Variants in HSF1 observed in about 807,000 individuals in gnomAD.
HSF1 encodes heat shock factor protein 1.
Under a neutral mutation model 51.7 loss-of-function variants are expected in HSF1, and 32 were observed. That is an observed-to-expected ratio of 0.62 (90% CI 0.47 to 0.83). The LOEUF (loss-of-function observed/expected upper bound fraction) is 0.83. HSF1 is among the 40% of genes least tolerant of loss of function. The pLI, the probability that HSF1 is intolerant of heterozygous loss-of-function variation, is 0.00. For synonymous variants in HSF1, 396 were observed against 309.7 expected (o/e 1.28, Z -2.92); for missense variants, 727 against 717.0 (o/e 1.01, Z -0.16).
intron 9 of HSF1, 134 bp from the exon 10 acceptor site, chr8:144,313,377 C>G (rs909676781): frequency 1.6e-6 from 1 of 628,416 alleles, no homozygotes; most frequent in Non-Finnish European, 2.9e-6. Flanking sequence ...AATGCGCTGC[C>G]CCCTCCAGCC....
rs556261852 is a variant in HSF1, at chr8:144,300,362, A to G, written c.117+8488A>G. Among the ~76,000 whole-genome samples the G allele has an allele frequency of 1.2e-4, 18 of 152,016 alleles. No individual in the cohort carries two copies. In the East Asian group the frequency reaches 2.5e-3, roughly 21 times the overall value. ...CTCCCACGAAGCTGGGACTACAGGCACCCGCCACCTCGCCCGGCTAATTTT... is the reference window on the plus strand; with the variant it reads ...CTCCCACGAAGCTGGGACTACAGGCGCCCGCCACCTCGCCCGGCTAATTTT... On this transcript the variant is annotated intron_variant, in intron 1 of 12. Transcript: ENST00000528838.
intron 4 of HSF1, chr8:144,310,911 G>A (rs924588155): frequency 5.8e-5 from 31 of 533,992 alleles, no homozygotes; most frequent in Admixed American, 4.9e-4. Context: ...GCCAGGATCC[G>A]GGTGCACCTG....
At chr8:144,295,896 G>A (rs377667222) in intron 1 of HSF1, among the ~76,000 whole-genome samples, 2 of 152,224 alleles carry the variant, frequency 1.3e-5, no homozygotes, top group African/African-American at 2.4e-5. Flanking sequence ...ACCTGCATTC[G>A]GATGGCGCTG....
intron 11 of HSF1, 29 bp from the exon 12 acceptor site, chr8:144,313,956 G>A (rs1554845917): frequency 1.2e-6 from 2 of 1,610,894 alleles, no homozygotes; most frequent in Admixed American, 3.3e-5. Flanking sequence ...ACCAGCGGGA[G>A]TGCTCACAAT....
chr8:144,292,314 A>G (rs1392932091), intron 1 of HSF1, among the ~76,000 whole-genome samples: 1 of 152,238 alleles, frequency 6.6e-6, no homozygotes, highest in Non-Finnish European at 1.5e-5. Flanking sequence ...TGGCACGTGA[A>G]GTGGAGGGCG....
chr8:144,310,880 C>CA (rs1448640192), intron 4 of HSF1: 9 of 486,340 alleles, frequency 1.9e-5, no homozygotes, highest in African/African-American at 1.2e-4. Context: ...GGCAGCCCTC[C>CA]AGGTGTTTGC....
chr8:144,313,482 G>A (rs372142309), intron 9 of HSF1, 29 bp from the exon 10 acceptor site: 2 of 1,469,356 alleles, frequency 1.4e-6, no homozygotes, highest in South Asian at 1.1e-5. Flanking sequence ...CTGGGGCACT[G>A]GTTCAGGTAC....
rs183115210 is a variant in HSF1, at chr8:144,299,724, A to G, written c.117+7850A>G. Among the ~76,000 whole-genome samples the G allele has an allele frequency of 6.6e-3, 1,005 of 152,080 alleles. 9 individuals carry two copies. Among genetic ancestry groups the G allele is most frequent in the African/African-American group, 0.023 (957 of 41,482 alleles). On this transcript the variant is annotated intron_variant, in intron 1 of 12. Coordinates refer to ENST00000528838, the MANE Select transcript of HSF1 (RefSeq NM_005526.4). ...GGAGATCAAGACCATCCTGGCTAAC[A>G]TGGTGAAACCCCGTCTCTACTAAAA...
At chr8:144,296,724 G>C (rs578212279) in intron 1 of HSF1, among the ~76,000 whole-genome samples, 4 of 151,774 alleles carry the variant, frequency 2.6e-5, no homozygotes, top group African/African-American at 7.3e-5. Context: ...GGAGAACGGC[G>C]TGAACCCAGG....
At chr8:144,304,664 G>A (rs1040491011) in intron 1 of HSF1, among the ~76,000 whole-genome samples, 1 of 151,650 alleles carries the variant, frequency 6.6e-6, no homozygotes, top group Admixed American at 6.6e-5. Flanking sequence ...CTGTTTTTTT[G>A]GAGATGGAGT....
At chr8:144,305,640 C>T (rs1816163013) in intron 1 of HSF1, among the ~76,000 whole-genome samples, 1 of 151,232 alleles carries the variant, frequency 6.6e-6, no homozygotes, top group African/African-American at 2.4e-5. Flanking sequence ...TTTTCTCCTA[C>T]TGGAGCACCT....
intron 9 of HSF1, chr8:144,312,606 C>A (rs1244350961): frequency 6.5e-7 from 1 of 1,531,608 alleles, no homozygotes; most frequent in Admixed American, 2.0e-5. Flanking sequence ...GCAATGGGGG[C>A]TCTTGTTTTT....
Position 144,314,419 on chromosome 8 carries a change from C to T in HSF1, c.*89C>T. The T allele has an allele frequency of 8.3e-7, 1 of 1,200,260 alleles. No homozygotes were observed. The highest frequency in any genetic ancestry group is 1.4e-5 in the South Asian group (1 of 69,886). 74.4% of individuals were successfully genotyped at this position (1,200,260 alleles called of 1,614,324 possible). A position where few individuals can be genotyped will look rare whatever the true frequency, so the allele number is the denominator to read the frequency against. ...GGCAGGGCAGCCTCGCGGTCTTGGG[C>T]ACTGGTGGGTCGGCCGCCATAGCCC... On this transcript the variant is annotated 3_prime_UTR_variant, in exon 13 of 13. Transcript: ENST00000528838.
intron 4 of HSF1, 66 bp from the exon 5 acceptor site, chr8:144,311,108 G>T: frequency 6.9e-7 from 1 of 1,458,234 alleles, no homozygotes. Context: ...GGGAGGGTCT[G>T]TGGGGCTCCC....
chr8:144,306,119 T>C (rs993671466), intron 1 of HSF1, among the ~76,000 whole-genome samples: 2 of 152,228 alleles, frequency 1.3e-5, no homozygotes, highest in Admixed American at 6.5e-5. Context: ...ATCTCTTTAT[T>C]GATACTCTCT....
Position 144,312,185 on chromosome 8 carries a change from T to TTCCCCA in HSF1, c.1083_1084insTCCCCA (p.Pro361_Pro362insSerPro). 5 of 1,532,848 alleles carry TTCCCCA rather than the reference T, an allele frequency of 3.3e-6. No homozygotes were observed. Among genetic ancestry groups the TTCCCCA allele is most frequent in the Non-Finnish European group, 3.6e-6 (4 of 1,117,426 alleles). The allele number at this position is 1,532,848 out of a possible 1,614,324, so 95.0% of individuals were successfully genotyped here. ...GCCACACGGACACCGAGGGCCGGCC[T>TTCCCCA]CCCTCCCCCCCGCCCACCTCCACCC... is the stretch of plus-strand genomic sequence containing the variant. On this transcript the variant is annotated inframe_insertion, in exon 9 of 13. Transcript: ENST00000528838.
intron 1 of HSF1, among the ~76,000 whole-genome samples, chr8:144,295,511 A>T (rs1402470803): frequency 6.6e-6 from 1 of 152,260 alleles, no homozygotes; most frequent in Non-Finnish European, 1.5e-5. Flanking sequence ...AGGCCTCAGG[A>T]TCAGGGTGAG....
In HSF1 at chr8:144,312,659, G is replaced by A. The variant is rs549310181; in HGVS notation, c.1142+415G>A. 23 of 1,535,386 alleles carry A rather than the reference G, an allele frequency of 1.5e-5. No homozygotes were observed. In the African/African-American group the frequency reaches 1.8e-4, roughly 12 times the overall value. ...TCGCACTCCACAGATGTCTAGGGTC[G>A]CCCGCCTCTTCCCCTGCCCCTCTTC... On this transcript the variant is annotated intron_variant, in intron 9 of 12. Coordinates refer to ENST00000528838, the MANE Select transcript of HSF1 (RefSeq NM_005526.4).
Position 144,313,538 on chromosome 8 carries a change from T to C in HSF1, c.1170T>C (p.Ala390=), listed in dbSNP as rs561108602. The C allele has an allele frequency of 6.2e-7, 1 of 1,611,724 alleles. No homozygotes were observed. The highest frequency in any genetic ancestry group is 1.3e-5 in the African/African-American group (1 of 74,972). The change falls in exon 10 of 13, where the codon GCT becomes GCC. Residue 390 remains alanine (A), a synonymous_variant. Transcript: ENST00000528838. ...ATGAGCTCAGTGACCACTTGGATGC[T>C]ATGGACTCCAACCTGGATAACCTGC... ...DKNELSDHLD[A]MDSNLDNLQT...
Sources: allele counts gnomAD v4.1 joint callset (sites outside exome capture counted in the v4.1 genomes callset), GRCh38; gene constraint gnomAD v4.1.1; transcripts MANE v1.5; gene names NCBI Gene and HGNC (gene_info 2026-07-23, HGNC 2026-07-21).